Variants in MAN2A1 observed in about 807,000 individuals in gnomAD.
MAN2A1 encodes mannosidase alpha class 2A member 1, also known as alpha-mannosidase 2.
In MAN2A1, 76 loss-of-function variants were observed where a neutral mutation model predicts 142.6. That is an observed-to-expected ratio of 0.53 (90% CI 0.44 to 0.65). The LOEUF is 0.65. Among genes scored for constraint, MAN2A1 ranks in the 30% least tolerant of loss-of-function variants. The pLI, the probability that MAN2A1 is intolerant of heterozygous loss-of-function variation, is 0.00. For missense variants in MAN2A1, 1,311 were observed against 1,365.1 expected (o/e 0.96, Z 0.62); for synonymous variants, 559 against 473.2 (o/e 1.18, Z -2.35).
At chr5:109,768,738 C>T (rs1242097963) in intron 6 of MAN2A1, among the ~76,000 whole-genome samples, 1 of 152,100 alleles carries the variant, frequency 6.6e-6, no homozygotes, top group African/African-American at 2.4e-5. Context: ...ATTAGCTATA[C>T]AGTTTCTTAA....
intron 4 of MAN2A1, among the ~76,000 whole-genome samples, chr5:109,734,347 G>T (rs1356895400): frequency 6.8e-6 from 1 of 147,636 alleles, no homozygotes; most frequent in Non-Finnish European, 1.5e-5. Flanking sequence ...TTTTTTTGAA[G>T]AGTTTTTTGT....
intron 5 of MAN2A1, among the ~76,000 whole-genome samples, chr5:109,764,039 G>A (rs13362434): frequency 0.085 from 12,856 of 152,030 alleles, 645 homozygotes; most frequent in African/African-American, 0.15. Context: ...GACCTCAGGT[G>A]ATCCACCCAC....
intron 1 of MAN2A1, among the ~76,000 whole-genome samples, chr5:109,710,262 C>G (rs770823869): frequency 6.6e-6 from 1 of 152,088 alleles, no homozygotes; most frequent in Non-Finnish European, 1.5e-5. Context: ...ACTAACTCCT[C>G]TAGCTAATGT....
At position 109,811,600 on chromosome 5, in the gene MAN2A1, G is replaced by GTC. The variant is rs978619094; in HGVS notation, c.1944-5672_1944-5671insCT. Reference sequence around the variant, plus strand: ...TGTGTGTGTGTGTGTGTGTGTGTGTGTGTGTGTCTGTGTCTGTGTGTCTGC... The same window carrying GTC: ...TGTGTGTGTGTGTGTGTGTGTGTGTGTCTGTGTGTCTGTGTCTGTGTGTCTGC... On this transcript the variant is annotated intron_variant, in intron 12 of 21. Coordinates refer to ENST00000261483, the MANE Select transcript of MAN2A1 (RefSeq NM_002372.4). 1.6e-4 allele frequency among the ~76,000 whole-genome samples: 25 copies of GTC among 151,784 alleles called. 1 individual carries two copies. In the East Asian group the frequency reaches 2.5e-3, roughly 15 times the overall value.
At chr5:109,768,647 TTAAG>T (rs1294741645) in intron 6 of MAN2A1, among the ~76,000 whole-genome samples, 2 of 152,216 alleles carry the variant, frequency 1.3e-5, no homozygotes, top group African/African-American at 2.4e-5. Flanking sequence ...TCTAGACCCC[TTAAG>T]TGTTTCAGAA....
chr5:109,822,920 G>A (rs1368134118), intron 15 of MAN2A1, among the ~76,000 whole-genome samples: 1 of 151,988 alleles, frequency 6.6e-6, no homozygotes, highest in South Asian at 2.1e-4. Flanking sequence ...CTTGTGATCC[G>A]CCCACCTCGG....
intron 13 of MAN2A1, among the ~76,000 whole-genome samples, chr5:109,817,874 A>G (rs1754511601): frequency 6.6e-6 from 1 of 152,160 alleles, no homozygotes; most frequent in South Asian, 2.1e-4. Context: ...GACATAACAC[A>G]CCATGGAAGA....
At position 109,855,212 on chromosome 5, in the gene MAN2A1, G is replaced by C; in HGVS notation, c.3049G>C (p.Val1017Leu). 6.2e-7 allele frequency: 1 copy of C among 1,606,830 alleles called. No individual in the cohort carries two copies. Among genetic ancestry groups the C allele is most frequent in the Non-Finnish European group, 8.5e-7 (1 of 1,177,686 alleles). ...AACTTCTTCTCTCATGAATCATCCAGTCATTCCAATGGCAAATAAGTTCTC... is the reference window on the plus strand; with the variant it reads ...AACTTCTTCTCTCATGAATCATCCACTCATTCCAATGGCAAATAAGTTCTC... ...HITSSLMNHP[V>L]IPMANKFSSP... The change falls in exon 20 of 22, where the codon GTC (valine) becomes CTC (leucine). Residue 1017 changes from valine (V) to leucine (L), a missense_variant. By Grantham distance (32) the Val-to-Leu change is conservative (BLOSUM62 1). Around this residue, in one of 3 missense-constraint regions of MAN2A1, gnomAD observed 890 missense variants for 920.5 expected, o/e 0.97. Transcript: ENST00000261483.
At chr5:109,833,838 A>G (rs1220559592) in intron 16 of MAN2A1, among the ~76,000 whole-genome samples, 1 of 152,208 alleles carries the variant, frequency 6.6e-6, no homozygotes, top group African/African-American at 2.4e-5. Flanking sequence ...TTAAAGATCT[A>G]CTGCCTGACA....
chr5:109,819,824 A>G lies in MAN2A1; in HGVS notation c.2265A>G (p.Glu755=), dbSNP rs372789125. 6.2e-6 allele frequency: 10 copies of G among 1,611,322 alleles called. No homozygotes were observed. In the Admixed American group the frequency reaches 6.7e-5, roughly 11 times the overall value. ...IFTIKNMINT[E]EGITLENSFV... ...CCATAAAGAATATGATAAATACTGA[A>G]GAAGGTATAACACTAGAGAACTCCT... The change falls in exon 14 of 22, where the codon GAA becomes GAG. Residue 755 remains glutamate, a synonymous_variant. Transcript: ENST00000261483.
intron 1 of MAN2A1, among the ~76,000 whole-genome samples, chr5:109,695,281 AAAC>A (rs1327248255): frequency 6.6e-6 from 1 of 152,210 alleles, no homozygotes; most frequent in Non-Finnish European, 1.5e-5. Context: ...ATCAGGGCCT[AAAC>A]AAATATTTTT....
At chr5:109,720,005 T>C (rs1471307449) in intron 3 of MAN2A1, among the ~76,000 whole-genome samples, 1 of 152,190 alleles carries the variant, frequency 6.6e-6, no homozygotes. Context: ...AAATTAAATG[T>C]TAGTTGATTG....
At chr5:109,852,494 G>A (rs1278579389) in intron 19 of MAN2A1, among the ~76,000 whole-genome samples, 1 of 152,150 alleles carries the variant, frequency 6.6e-6, no homozygotes, top group Non-Finnish European at 1.5e-5. Flanking sequence ...AACTCAAAGT[G>A]AGCTTAATAA....
chr5:109,783,814 G>T (rs1313943503), intron 9 of MAN2A1, among the ~76,000 whole-genome samples: 1 of 151,248 alleles, frequency 6.6e-6, no homozygotes, highest in Non-Finnish European at 1.5e-5. Flanking sequence ...GGAAATTATA[G>T]CCCCCATGTT....
chr5:109,774,833 T>C lies in MAN2A1; in HGVS notation c.1242T>C (p.Phe414=). 1 of 1,613,244 alleles carries C rather than the reference T, an allele frequency of 6.2e-7. No individual in the cohort carries two copies. The highest frequency in any genetic ancestry group is 8.5e-7 in the Non-Finnish European group (1 of 1,179,716). ...LDQYRKKSKL[F]RTKVLLAPLG... ...AGTACCGAAAGAAGTCAAAGCTTTT[T>C]CGTACCAAAGTTCTCCTGGCTCCAC... The change falls in exon 8 of 22, where the codon TTT becomes TTC. Residue 414 remains phenylalanine (F), a synonymous_variant. Coordinates refer to ENST00000261483, the MANE Select transcript of MAN2A1 (RefSeq NM_002372.4).
chr5:109,751,021 A>G (rs1363266737), intron 4 of MAN2A1, among the ~76,000 whole-genome samples: 3 of 152,020 alleles, frequency 2.0e-5, no homozygotes. Context: ...CATACAGTAC[A>G]TTGTTGTTAA....
At chr5:109,755,012 A>G (rs991100512) in intron 4 of MAN2A1, among the ~76,000 whole-genome samples, 2 of 152,200 alleles carry the variant, frequency 1.3e-5, no homozygotes, top group Non-Finnish European at 2.9e-5. Context: ...AAATAAATAA[A>G]TAAATAAACC....
chr5:109,861,976 T>G (rs1755770438), intron 20 of MAN2A1, among the ~76,000 whole-genome samples: 1 of 152,214 alleles, frequency 6.6e-6, no homozygotes, highest in Non-Finnish European at 1.5e-5. Flanking sequence ...CATATTTTAA[T>G]ACAAACTTAT....
At chr5:109,823,433 A>G (rs1393922202) in intron 15 of MAN2A1, among the ~76,000 whole-genome samples, 1 of 152,210 alleles carries the variant, frequency 6.6e-6, no homozygotes, top group Non-Finnish European at 1.5e-5. Flanking sequence ...AAGTAACTAT[A>G]TGGACAAATA....
Sources: gnomAD v4.1 joint callset for allele counts (sites outside exome capture counted in the v4.1 genomes callset) on GRCh38, gnomAD v4.1.1 for gene constraint, gnomAD v4.1.1 regional missense constraint, MANE v1.5 for transcripts, NCBI Gene and HGNC (gene_info 2026-07-23, HGNC 2026-07-21) for gene names.